Variants in DYNC2I1 observed in about 807,000 individuals in gnomAD.
DYNC2I1 encodes the protein dynein 2 intermediate chain 1.
In DYNC2I1, 89 loss-of-function variants were observed where a neutral mutation model predicts 133.4. That is an observed-to-expected ratio of 0.67 (90% CI 0.56 to 0.80). The LOEUF is 0.80. Ranked by LOEUF, DYNC2I1 falls within the 30% of genes least tolerant of loss-of-function variation. The pLI, the probability that DYNC2I1 is intolerant of heterozygous loss-of-function variation, is 0.00. For synonymous variants in DYNC2I1, 504 were observed against 484.3 expected, an observed-to-expected ratio of 1.04 and a Z score of -0.54; for missense variants, 1,291 against 1,314.5, an observed-to-expected ratio of 0.98 and a Z score of 0.28.
intron 23 of DYNC2I1, among the ~76,000 whole-genome samples, chr7:158,935,687 A>AATGTGGTCAGGCAAGGCTGGG (rs1232129266): frequency 6.6e-6 from 1 of 152,190 alleles, no homozygotes; most frequent in Non-Finnish European, 1.5e-5. Flanking sequence ...GGGAGCCTGG[A>AATGTGGTCAGGCAAGGCTGGG]ATGTGGTCAG....
In DYNC2I1 at chr7:158,914,813, C is replaced by T. The variant is rs527969620; in HGVS notation, c.1791+492C>T. Among the ~76,000 whole-genome samples the T allele has an allele frequency of 3.4e-4, 52 of 152,334 alleles. No homozygotes were observed. The South Asian group carries it at 6.8e-3, about 20-fold the overall frequency. On this transcript the variant is annotated intron_variant, in intron 14 of 24. Transcript: ENST00000407559. Reference sequence around the variant, plus strand: ...TGACCCCCCTGCCCACTCCACCACCCACCCCATCAGTTATTTTGAAACAAA... The same window carrying T: ...TGACCCCCCTGCCCACTCCACCACCTACCCCATCAGTTATTTTGAAACAAA...
chr7:158,878,925 T>TGTGAGTGCCGGGC lies in DYNC2I1; in HGVS notation c.574-758_574-757insTGAGTGCCGGGCG, dbSNP rs1843702004. Among the ~76,000 whole-genome samples the TGTGAGTGCCGGGC allele has an allele frequency of 2.4e-5, 3 of 127,606 alleles. No homozygotes were observed. In the East Asian group the frequency reaches 8.7e-4, roughly 37 times the overall value. The allele number at this position is 127,606 out of a possible 152,430, so 83.7% of individuals were successfully genotyped here. The stretch of plus-strand genomic sequence containing the variant: ...AGGAGGGCCGACTGTGAGTGCTGGG[T>TGTGAGTGCCGGGC]GCCATGTGGGGAGGCGAGGAGGGGA... On this transcript the variant is annotated intron_variant, in intron 4 of 24. Transcript: ENST00000407559.
rs1450700920 is a variant in DYNC2I1, at chr7:158,879,716, C to G, written c.606C>G (p.Leu202=). ...LQYGDSKDNP[L]KYWLYKEEGE... ...ACGGAGACAGCAAGGACAACCCTCT[C>G]AAGTACTGGCTTTATAAAGAAGAAG... is the stretch of plus-strand genomic sequence containing the variant. The change falls in exon 5 of 25, where the codon CTC becomes CTG. Residue 202 remains leucine (L), a synonymous_variant. Transcript: ENST00000407559. The G allele has an allele frequency of 1.3e-6, 2 of 1,594,914 alleles. No homozygotes were observed. Among genetic ancestry groups the G allele is most frequent in the Admixed American group, 3.8e-5 (2 of 52,666 alleles).
At chr7:158,858,101 A>G (rs1841484850) in intron 1 of DYNC2I1, among the ~76,000 whole-genome samples, 1 of 152,060 alleles carries the variant, frequency 6.6e-6, no homozygotes, top group African/African-American at 2.4e-5. Context: ...AACCTTAGAT[A>G]GTATTTTTTA....
intron 1 of DYNC2I1, among the ~76,000 whole-genome samples, chr7:158,868,626 G>A (rs955624731): frequency 6.6e-6 from 1 of 152,250 alleles, no homozygotes; most frequent in Admixed American, 6.5e-5. Flanking sequence ...CAGGGCCCTG[G>A]AGGGCCAGAG....
chr7:158,942,076 C>T lies in DYNC2I1; in HGVS notation c.2930C>T (p.Ser977Phe), dbSNP rs1353941547. Reference protein sequence around the residue: ...PAVFLVQDDTSNIYIWDLLQS... With the variant: ...PAVFLVQDDTFNIYIWDLLQS... The stretch of plus-strand genomic sequence containing the variant: ...GTGTTCCTGGTGCAGGACGACACAT[C>T]CAACATCTACATCTGGGACCTCCTC... Residue 977 changes from serine to phenylalanine, a missense_variant, in exon 24 of 25, where the codon TCC (serine) becomes TTC (phenylalanine). Coordinates refer to ENST00000407559, the MANE Select transcript of DYNC2I1 (RefSeq NM_018051.5). The T allele has an allele frequency of 6.2e-7, 1 of 1,610,666 alleles. No individual in the cohort carries two copies. The highest frequency in any genetic ancestry group is 1.3e-5 in the African/African-American group (1 of 75,016).
intron 11 of DYNC2I1, 80 bp from the exon 12 acceptor site, chr7:158,911,470 A>T (rs1191199522): frequency 6.8e-7 from 1 of 1,470,708 alleles, no homozygotes; most frequent in East Asian, 2.3e-5. Context: ...TTTAACTCTA[A>T]GTTTACTTCT....
At position 158,902,445 on chromosome 7, in the gene DYNC2I1, G is replaced by A. The variant is rs752600004; in HGVS notation, c.1207G>A (p.Glu403Lys). The A allele has an allele frequency of 1.9e-6, 3 of 1,613,718 alleles. No homozygotes were observed. The highest frequency in any genetic ancestry group is 1.1e-5 in the South Asian group (1 of 91,078). ...DESSNEPESR[E>K]KLEELPLAQK... ...AAGCAGTAATGAACCTGAGTCAAGAGAAAAACTGGAAGAACTTCCTCTAGC... is the reference window on the plus strand; with the variant it reads ...AAGCAGTAATGAACCTGAGTCAAGAAAAAAACTGGAAGAACTTCCTCTAGC... Residue 403 changes from glutamate (E) to lysine (K), a missense_variant, in exon 10 of 25, where the codon GAA becomes AAA. Physicochemically the swap from Glu to Lys is moderately conservative, Grantham distance 56. Coordinates refer to ENST00000407559, the MANE Select transcript of DYNC2I1 (RefSeq NM_018051.5).
chr7:158,852,666 G>T (rs1373060036), upstream of DYNC2I1, among the ~76,000 whole-genome samples: 1 of 152,144 alleles, frequency 6.6e-6, no homozygotes, highest in Non-Finnish European at 1.5e-5. Context: ...TTGAACCCTG[G>T]AGGCGGAGGT....
chr7:158,914,105 A>T, intron 13 of DYNC2I1, 128 bp from the exon 14 acceptor site: 27 of 610,082 alleles, frequency 4.4e-5, no homozygotes, highest in Non-Finnish European at 6.4e-5. Context: ...TATAGCTTGA[A>T]GTTTTCTGTC....
At chr7:158,882,524 A>AGTG (rs1003938586) in intron 5 of DYNC2I1, among the ~76,000 whole-genome samples, 5 of 152,124 alleles carry the variant, frequency 3.3e-5, no homozygotes, top group East Asian at 1.9e-4. Context: ...TCAAGCCTGC[A>AGTG]GTGAGCTGTG....
At chr7:158,885,112 C>T (rs115298619) in intron 6 of DYNC2I1, among the ~76,000 whole-genome samples, 3,720 of 152,142 alleles carry the variant, frequency 0.024, 155 homozygotes, top group African/African-American at 0.085. Flanking sequence ...AAAAACAGGA[C>T]GTGCCGGCGA....
intron 1 of DYNC2I1, among the ~76,000 whole-genome samples, chr7:158,862,793 G>C (rs1407432663): frequency 6.6e-6 from 1 of 152,120 alleles, no homozygotes; most frequent in Non-Finnish European, 1.5e-5. Flanking sequence ...TCCGGAGTTT[G>C]TTCCTTCACA....
chr7:158,910,277 G>T (rs1281805252), intron 11 of DYNC2I1, among the ~76,000 whole-genome samples: 5 of 152,168 alleles, frequency 3.3e-5, no homozygotes, highest in African/African-American at 1.2e-4. Flanking sequence ...GTGGGCAGAG[G>T]GCCATCGGCC....
chr7:158,922,126 C>T (rs761262012), intron 15 of DYNC2I1, among the ~76,000 whole-genome samples: 1 of 152,160 alleles, frequency 6.6e-6, no homozygotes, highest in Admixed American at 6.5e-5. Flanking sequence ...GGGAGTCGCT[C>T]GTGGAGCCAC....
intron 2 of DYNC2I1, 42 bp downstream of exon 2, chr7:158,869,950 C>A (rs979105120): frequency 6.3e-7 from 1 of 1,575,016 alleles, no homozygotes; most frequent in Non-Finnish European, 8.7e-7. Flanking sequence ...GTGCAGGACT[C>A]GTGTGGTTTT....
intron 4 of DYNC2I1, among the ~76,000 whole-genome samples, chr7:158,955,015 C>T (rs981517661): frequency 2.6e-5 from 4 of 152,146 alleles, no homozygotes; most frequent in African/African-American, 7.2e-5. Flanking sequence ...GTAAGTCCTC[C>T]TTCACTGTTG....
chr7:158,884,765 GC>G, intron 6 of DYNC2I1, 146 bp downstream of exon 6: 2 of 698,768 alleles, frequency 2.9e-6, no homozygotes, highest in East Asian at 6.6e-5. Flanking sequence ...TTACCCCTTA[GC>G]CCCTCCAAAT....
At chr7:158,923,890 C>T (rs1255847885) in intron 17 of DYNC2I1, among the ~76,000 whole-genome samples, 157 bp downstream of exon 17, 1 of 152,158 alleles carries the variant, frequency 6.6e-6, no homozygotes, top group East Asian at 1.9e-4. Flanking sequence ...ATACAAAAAA[C>T]AGAAATCAAT....
Sources: allele counts gnomAD v4.1 joint callset (sites outside exome capture counted in the v4.1 genomes callset), GRCh38; gene constraint gnomAD v4.1.1; transcripts MANE v1.5; gene names NCBI Gene and HGNC (gene_info 2026-07-23, HGNC 2026-07-21).